MYO3B: variants seen among roughly 807,000 people sequenced by gnomAD.
The protein encoded by MYO3B is myosin IIIB.
Under a neutral mutation model 174.6 loss-of-function variants are expected in MYO3B, and 156 were observed. The ratio of observed to expected loss-of-function variants is 0.89; its 90% CI spans 0.78 to 1.02. The LOEUF is 1.02. Ranked by LOEUF, MYO3B falls within the 50% of genes least tolerant of loss-of-function variation. MYO3B has a pLI of 0.00. For missense variants in MYO3B, 1,632 were observed against 1,639.4 expected (o/e 1.00, Z 0.08); for synonymous variants, 563 against 569.1 (o/e 0.99, Z 0.15).
chr2:170,194,140 T>C (rs1053372752), intron 1 of MYO3B, among the ~76,000 whole-genome samples: 6 of 152,202 alleles, frequency 3.9e-5, no homozygotes, highest in Non-Finnish European at 8.8e-5. Flanking sequence ...AAAGTGTCTG[T>C]TGTTGTCTTT....
In MYO3B at chr2:170,395,194, T is replaced by C. The variant is rs540006672; in HGVS notation, c.1791+2699T>C. 1.1e-3 allele frequency among the ~76,000 whole-genome samples: 162 copies of C among 152,266 alleles called. 4 individuals carry two copies. In the South Asian group the frequency reaches 0.033, roughly 31 times the overall value. Reference sequence around the variant, plus strand: ...TGGAGGAGTCTTCCACTAATAATGATGATGACTCCTTGTGGAGGGCTGGGG... The same window carrying C: ...TGGAGGAGTCTTCCACTAATAATGACGATGACTCCTTGTGGAGGGCTGGGG... On this transcript the variant is annotated intron_variant, in intron 16 of 34. Transcript: ENST00000408978.
chr2:170,193,239 A>G (rs1409540353), intron 1 of MYO3B, among the ~76,000 whole-genome samples: 2 of 152,198 alleles, frequency 1.3e-5, no homozygotes, highest in Admixed American at 1.3e-4. Flanking sequence ...TTCTAACAGT[A>G]TATAGAATAG....
intron 7 of MYO3B, among the ~76,000 whole-genome samples, chr2:170,291,276 A>C (rs185073366): frequency 1.2e-3 from 187 of 151,650 alleles, no homozygotes; most frequent in Non-Finnish European, 2.3e-3. Context: ...CAAACAAAAA[A>C]CCAAAGTTAA....
intron 1 of MYO3B, among the ~76,000 whole-genome samples, chr2:170,184,042 ATGTT>A (rs1488084522): frequency 1.3e-5 from 2 of 150,886 alleles, no homozygotes; most frequent in African/African-American, 4.9e-5. Context: ...CTGTGGTTTT[ATGTT>A]TGTTTATTTT....
chr2:170,285,415 C>A (rs1391210275), intron 7 of MYO3B, among the ~76,000 whole-genome samples: 19 of 151,164 alleles, frequency 1.3e-4, no homozygotes, highest in Admixed American at 1.3e-3. Context: ...GTTGCCCAGG[C>A]TGGAGTGCAG....
chr2:170,583,155 C>T (rs2106307016), intron 32 of MYO3B, among the ~76,000 whole-genome samples: 1 of 144,692 alleles, frequency 6.9e-6, no homozygotes, highest in East Asian at 2.2e-4. Flanking sequence ...TGTGTAACTA[C>T]CCCTTGTCTC....
chr2:170,580,634 C>T (rs1693072789), intron 32 of MYO3B, among the ~76,000 whole-genome samples: 1 of 151,668 alleles, frequency 6.6e-6, no homozygotes, highest in African/African-American at 2.4e-5. Flanking sequence ...CGAGATCCGT[C>T]TCAAAAACAA....
At position 170,206,502 on chromosome 2, in the gene MYO3B, G is replaced by T. The variant is rs569808316; in HGVS notation, c.321+6218G>T. Among the ~76,000 whole-genome samples, 4 of 152,168 alleles carry T rather than the reference G, an allele frequency of 2.6e-5. No individual in the cohort carries two copies. Among genetic ancestry groups the T allele is most frequent in the Non-Finnish European group, 5.9e-5 (4 of 68,042 alleles). On this transcript the variant is annotated intron_variant, in intron 3 of 34. Transcript: ENST00000408978. This position sits in a 1 kb window ranked among gnomAD's most constrained non-coding sequence, Gnocchi z 4.3. ...AGTCATAAACTATTGATAACAAAGA[G>T]GTGCCTTTCTTCTCAATAACTGAAC...
chr2:170,596,591 C>A (rs533076044), intron 32 of MYO3B, among the ~76,000 whole-genome samples: 2 of 152,310 alleles, frequency 1.3e-5, no homozygotes, highest in African/African-American at 2.4e-5. Flanking sequence ...TTTCTCCCAC[C>A]CATGAGGTTT....
chr2:170,529,066 C>T (rs1342195255), intron 30 of MYO3B, among the ~76,000 whole-genome samples: 1 of 152,202 alleles, frequency 6.6e-6, no homozygotes, highest in African/African-American at 2.4e-5. Flanking sequence ...CACCTGATAG[C>T]TCTCTTCTTT....
intron 30 of MYO3B, among the ~76,000 whole-genome samples, chr2:170,523,340 GT>G (rs1478249107): frequency 6.6e-6 from 1 of 152,172 alleles, no homozygotes; most frequent in Admixed American, 6.5e-5. Context: ...TTACCAAACA[GT>G]GGGCCAGGGT....
chr2:170,350,710 C>T (rs1391479689), intron 8 of MYO3B: 1 of 152,166 alleles, frequency 6.6e-6, no homozygotes, highest in East Asian at 1.9e-4. Flanking sequence ...GGGCACGTCT[C>T]ACAGATGTTA....
At chr2:170,318,806 G>A (rs2093794308) in intron 7 of MYO3B, among the ~76,000 whole-genome samples, 1 of 145,462 alleles carries the variant, frequency 6.9e-6, no homozygotes, top group Non-Finnish European at 1.5e-5. Context: ...CAGACCTTCT[G>A]GAGATGAGGC....
chr2:170,252,496 T>C (rs895280988), intron 7 of MYO3B, among the ~76,000 whole-genome samples: 1 of 152,216 alleles, frequency 6.6e-6, no homozygotes, highest in African/African-American at 2.4e-5. Flanking sequence ...TATAAGTTGA[T>C]GCTTGGAACT....
intron 30 of MYO3B, among the ~76,000 whole-genome samples, chr2:170,539,742 C>T (rs568916658): frequency 2.0e-5 from 3 of 152,130 alleles, no homozygotes; most frequent in South Asian, 2.1e-4. Context: ...ACCTCAGCCT[C>T]CTGAGTAGCT....
intron 7 of MYO3B, among the ~76,000 whole-genome samples, chr2:170,287,951 T>C (rs1406653318): frequency 1.3e-5 from 2 of 152,072 alleles, no homozygotes; most frequent in Non-Finnish European, 2.9e-5. Context: ...ATAGTTATCC[T>C]GTTTTCCCTG....
At chr2:170,382,862 T>C (rs567201521) in intron 10 of MYO3B, 2 of 445,850 alleles carry the variant, frequency 4.5e-6, no homozygotes, top group Non-Finnish European at 8.0e-6. Flanking sequence ...GTGGGCCTAA[T>C]TCTTTCAGTG....
At chr2:170,461,741 A>C (rs1322986238) in intron 23 of MYO3B, among the ~76,000 whole-genome samples, 5 of 150,664 alleles carry the variant, frequency 3.3e-5, no homozygotes, top group Non-Finnish European at 7.4e-5. Flanking sequence ...GCGCCATTGC[A>C]CTCCAGCCTG....
At chr2:170,612,736 T>C (rs953380329) in intron 32 of MYO3B, among the ~76,000 whole-genome samples, 2 of 152,224 alleles carry the variant, frequency 1.3e-5, no homozygotes, top group African/African-American at 4.8e-5. Context: ...CCTAGCCTAG[T>C]GCAGGTATTG....
Sources: gnomAD v4.1 joint callset for allele counts (sites outside exome capture counted in the v4.1 genomes callset) on GRCh38, gnomAD v4.1.1 for gene constraint, Gnocchi (gnomAD v3.1) non-coding constraint, MANE v1.5 for transcripts, NCBI Gene and HGNC (gene_info 2026-07-23, HGNC 2026-07-21) for gene names.